UTRN: variants seen among roughly 807,000 people sequenced by gnomAD.
UTRN encodes the protein dystrophin-related protein 1.
UTRN carries 283 observed loss-of-function variants against 463.9 expected under a neutral mutation model. The ratio of observed to expected loss-of-function variants is 0.61; its 90% CI spans 0.55 to 0.67. UTRN has a LOEUF of 0.67. Ranked by LOEUF, UTRN falls within the 30% of genes least tolerant of loss-of-function variation. UTRN has a pLI of 0.00. For missense variants in UTRN, 3,922 were observed against 4,084.3 expected, an observed-to-expected ratio of 0.96 and a Z score of 1.08; for synonymous variants, 1,442 against 1,431.5, an observed-to-expected ratio of 1.01 and a Z score of -0.17.
At chr6:144,442,966 G>A (rs1056859436) in intron 13 of UTRN, among the ~76,000 whole-genome samples, 1 of 152,160 alleles carries the variant, frequency 6.6e-6, no homozygotes, top group African/African-American at 2.4e-5. Context: ...GAAAAATCAT[G>A]TGCATAGTAA....
intron 50 of UTRN, among the ~76,000 whole-genome samples, chr6:144,566,964 T>C (rs565074422): frequency 6.6e-6 from 1 of 152,004 alleles, no homozygotes; most frequent in African/African-American, 2.4e-5. Flanking sequence ...CTGGGAAATA[T>C]GGCAAAACCT....
intron 2 of UTRN, among the ~76,000 whole-genome samples, chr6:144,298,086 G>T (rs928408432): frequency 3.3e-5 from 5 of 151,890 alleles, no homozygotes; most frequent in African/African-American, 1.2e-4. Context: ...GTACTCTGCT[G>T]AAGTGGTTTC....
At chr6:144,798,711 CA>C in intron 64 of UTRN, among the ~76,000 whole-genome samples, 1 of 152,328 alleles carries the variant, frequency 6.6e-6, no homozygotes. Flanking sequence ...TAAGCCTACT[CA>C]GTAGGGAAAT....
chr6:144,712,792 A>G (rs1415012697), intron 53 of UTRN, among the ~76,000 whole-genome samples: 1 of 152,220 alleles, frequency 6.6e-6, no homozygotes, highest in East Asian at 1.9e-4. Flanking sequence ...AAGATTGGGA[A>G]AGGCTCCACA....
intron 41 of UTRN, among the ~76,000 whole-genome samples, chr6:144,526,400 C>T (rs1021765388): frequency 3.3e-5 from 5 of 152,000 alleles, no homozygotes; most frequent in Admixed American, 2.6e-4. Flanking sequence ...GATATAATTT[C>T]CTGTTGGACT....
Position 144,674,621 on chromosome 6 carries a change from A to G in UTRN, c.7480-3785A>G, listed in dbSNP as rs188749654. On this transcript the variant is annotated intron_variant, in intron 51 of 74. Transcript: ENST00000367545. ...ACCCAGGCTGGTGTGTAGTGGTGTG[A>G]CCTTGGCCCACTGCAACCTCTGCCT... Among the ~76,000 whole-genome samples the G allele has an allele frequency of 4.6e-5, 7 of 151,842 alleles. No homozygotes were observed. In the East Asian group the frequency reaches 1.4e-3, roughly 29 times the overall value.
chr6:144,395,827 C>T (rs575285242), intron 2 of UTRN, among the ~76,000 whole-genome samples: 89 of 152,110 alleles, frequency 5.9e-4, no homozygotes, highest in African/African-American at 2.1e-3. Context: ...TCTGTGTTTT[C>T]AAAGTCAGTC....
chr6:144,496,835 G>A (rs1035296554), intron 33 of UTRN, among the ~76,000 whole-genome samples: 4 of 152,196 alleles, frequency 2.6e-5, no homozygotes, highest in Admixed American at 6.5e-5. Context: ...TGATGCATAA[G>A]CCGAGATCTG....
At chr6:144,561,205 TTATATATATATATATATATATATATA>T (rs1162903466) in intron 50 of UTRN, among the ~76,000 whole-genome samples, 765 of 60,202 alleles carry the variant, frequency 0.013, 34 homozygotes, top group Non-Finnish European at 0.021. Context: ...AAAAATAACA[TTATATATATATATATATATATATATA>T]TATATATATA....
chr6:144,559,252 GT>G (rs747045183), intron 50 of UTRN, among the ~76,000 whole-genome samples: 15 of 152,010 alleles, frequency 9.9e-5, no homozygotes, highest in Non-Finnish European at 1.2e-4. Context: ...CAATGTTCCA[GT>G]TTCTTTGTAG....
intron 60 of UTRN, among the ~76,000 whole-genome samples, chr6:144,777,168 G>A (rs1247972390): frequency 6.6e-6 from 1 of 152,124 alleles, no homozygotes; most frequent in East Asian, 1.9e-4. Flanking sequence ...AATGATTTGA[G>A]TTTGAAGGTT....
At chr6:144,389,967 T>C (rs995073582) in intron 2 of UTRN, among the ~76,000 whole-genome samples, 2 of 152,158 alleles carry the variant, frequency 1.3e-5, no homozygotes, top group Non-Finnish European at 2.9e-5. Context: ...CTTGGAGTAA[T>C]ATTGGTCAAA....
At chr6:144,296,927 G>T (rs1447261076) in intron 2 of UTRN, among the ~76,000 whole-genome samples, 1 of 152,120 alleles carries the variant, frequency 6.6e-6, no homozygotes, top group Admixed American at 6.5e-5. Context: ...TTGATTTTTG[G>T]CTCTAGTCTC....
rs184820520 is a variant in UTRN at position 144,323,991 on chromosome 6, C to T, written c.79+32084C>T. On this transcript the variant is annotated intron_variant, in intron 2 of 74. Coordinates refer to ENST00000367545, the MANE Select transcript of UTRN (RefSeq NM_007124.3). ...ATTATTTCTGTATTTCACCATATTA[C>T]TATCAACAACATTTGTTTTCCTTTC... 5.8e-4 allele frequency among the ~76,000 whole-genome samples: 88 copies of T among 152,318 alleles called. 1 individual carries two copies. The highest frequency in any genetic ancestry group is 1.9e-3 in the African/African-American group (79 of 41,562).
intron 53 of UTRN, among the ~76,000 whole-genome samples, chr6:144,728,114 A>G (rs1362279364): frequency 1.3e-5 from 2 of 152,116 alleles, no homozygotes; most frequent in East Asian, 3.9e-4. Flanking sequence ...AAAAAAAAAA[A>G]AAAAGGAATG....
At chr6:144,541,262 C>T (rs1313639292) in intron 45 of UTRN, among the ~76,000 whole-genome samples, 3 of 152,112 alleles carry the variant, frequency 2.0e-5, no homozygotes, top group African/African-American at 7.2e-5. Context: ...CTACAATATC[C>T]ACTGCTCTCT....
At chr6:144,298,184 C>T (rs1345918095) in intron 2 of UTRN, among the ~76,000 whole-genome samples, 1 of 151,910 alleles carries the variant, frequency 6.6e-6, no homozygotes, top group African/African-American at 2.4e-5. Flanking sequence ...TTTTTATATG[C>T]CTTAACTGTT....
At chr6:144,545,975 G>A (rs916941399) in intron 46 of UTRN, among the ~76,000 whole-genome samples, 2 of 152,184 alleles carry the variant, frequency 1.3e-5, no homozygotes, top group South Asian at 2.1e-4. Context: ...ACCCAAGACC[G>A]TACCATTGCA....
chr6:144,774,409 G>GTTTT, intron 60 of UTRN, 45 bp downstream of exon 60: 22 of 1,277,668 alleles, frequency 1.7e-5, no homozygotes, highest in Middle Eastern at 2.0e-4. Context: ...CTTGAATTGC[G>GTTTT]TTTTTTTTTT....
Sources: allele counts gnomAD v4.1 joint callset (sites outside exome capture counted in the v4.1 genomes callset), GRCh38; gene constraint gnomAD v4.1.1; transcripts MANE v1.5; gene names NCBI Gene and HGNC (gene_info 2026-07-23, HGNC 2026-07-21).